The following LAMC1 variants were observed in gnomAD, a reference collection of about 807,000 sequenced individuals.
LAMC1 encodes laminin subunit gamma-1.
A neutral mutation model predicts 173.6 loss-of-function variants in LAMC1; 38 were observed. The ratio of observed to expected loss-of-function variants is 0.22; its 90% CI spans 0.17 to 0.29. The LOEUF (loss-of-function observed/expected upper bound fraction) is 0.29. LAMC1 is among the 10% of genes least tolerant of loss of function. The pLI, the probability that LAMC1 is intolerant of heterozygous loss-of-function variation, is 1.00. For synonymous variants in LAMC1, 746 were observed against 749.1 expected, an observed-to-expected ratio of 1.00 and a Z score of 0.07; for missense variants, 1,824 against 2,051.8, an observed-to-expected ratio of 0.89 and a Z score of 2.14.
intron 1 of LAMC1, among the ~76,000 whole-genome samples, chr1:183,100,890 T>C (rs1181422708): frequency 2.0e-5 from 3 of 152,212 alleles, no homozygotes; most frequent in African/African-American, 7.2e-5. Context: ...TGAAGCTCAG[T>C]GCCAGCAAGG....
chr1:183,138,630 C>T (rs564296517), intron 26 of LAMC1: 55 of 152,236 alleles, frequency 3.6e-4, no homozygotes, highest in African/African-American at 1.3e-3. Context: ...AGTAAAAACT[C>T]TAGGGAAGTG....
chr1:183,057,333 T>G (rs988814313), intron 1 of LAMC1, among the ~76,000 whole-genome samples: 9 of 152,220 alleles, frequency 5.9e-5, no homozygotes, highest in African/African-American at 2.2e-4. Context: ...CAGCCCTCAT[T>G]CCTTACCACT....
chr1:183,031,504 A>G (rs772403427), intron 1 of LAMC1, among the ~76,000 whole-genome samples: 10 of 151,948 alleles, frequency 6.6e-5, no homozygotes, highest in African/African-American at 1.7e-4. Context: ...GGGTTTTACC[A>G]TGTTGGTCAG....
intron 1 of LAMC1, among the ~76,000 whole-genome samples, chr1:183,089,923 G>T (rs1051583394): frequency 3.9e-5 from 6 of 152,170 alleles, no homozygotes; most frequent in African/African-American, 1.4e-4. Flanking sequence ...TCTGAAACAG[G>T]CCTGGTTTGT....
chr1:183,031,183 T>C (rs1397570371), intron 1 of LAMC1, among the ~76,000 whole-genome samples: 2 of 152,206 alleles, frequency 1.3e-5, no homozygotes, highest in Non-Finnish European at 2.9e-5. Flanking sequence ...TTTAGGATAG[T>C]GAAAGGACTG....
chr1:183,114,512 C>G lies in LAMC1; in HGVS notation c.1022-19C>G. On this transcript the variant is annotated intron_variant, in intron 4 of 27. Transcript: ENST00000258341. ...AAAGGTACCCAGATCTGATGTAACT[C>G]GTGTGTTTTGACTGACAGCCTGTGA... 2 of 1,613,262 alleles carry G rather than the reference C, an allele frequency of 1.2e-6. No homozygotes were observed. The highest frequency in any genetic ancestry group is 1.7e-6 in the Non-Finnish European group (2 of 1,179,212).
At chr1:183,131,190 AGG>A in intron 19 of LAMC1, 107 bp from the exon 20 acceptor site, 13 of 686,398 alleles carry the variant, frequency 1.9e-5, no homozygotes, top group South Asian at 5.2e-5. Flanking sequence ...AAAAAAAAAA[AGG>A]TAGAGGCATT....
chr1:183,029,774 T>C (rs925299160), intron 1 of LAMC1, among the ~76,000 whole-genome samples: 9 of 152,242 alleles, frequency 5.9e-5, no homozygotes, highest in Non-Finnish European at 1.3e-4. Context: ...ATGAAGTTTT[T>C]GAAGGACGAG....
chr1:183,101,365 A>T (rs1265084065), intron 1 of LAMC1, among the ~76,000 whole-genome samples: 1 of 151,696 alleles, frequency 6.6e-6, no homozygotes, highest in Non-Finnish European at 1.5e-5. Flanking sequence ...ACAAAGAGAT[A>T]CAGGTAAAAC....
chr1:183,050,350 C>T (rs562437724), intron 1 of LAMC1, among the ~76,000 whole-genome samples: 4 of 143,992 alleles, frequency 2.8e-5, no homozygotes, highest in South Asian at 2.2e-4. Flanking sequence ...GGCGTGATCT[C>T]GGCTCACTGC....
In LAMC1 at chr1:183,115,375, T is replaced by G. The variant is rs891032052; in HGVS notation, c.1211-145T>G. 10 of 621,762 alleles carry G rather than the reference T, an allele frequency of 1.6e-5. No individual in the cohort carries two copies. The East Asian group carries it at 2.7e-4, about 17-fold the overall frequency. 38.5% of individuals were successfully genotyped at this position (621,762 alleles called of 1,614,324 possible). ...GAGAAAGTTCTGATTTAAAATTTGG[T>G]TTTTATTACCTTTGTGACCATCAGG... On this transcript the variant is annotated intron_variant, in intron 5 of 27. Transcript: ENST00000258341.
intron 1 of LAMC1, among the ~76,000 whole-genome samples, chr1:183,058,935 T>C (rs2102029979): frequency 6.6e-6 from 1 of 152,316 alleles, no homozygotes; most frequent in East Asian, 1.9e-4. Flanking sequence ...GAAGGTAATA[T>C]CTATATGTTG....
intron 1 of LAMC1, among the ~76,000 whole-genome samples, chr1:183,091,439 C>T (rs1203104546): frequency 6.6e-6 from 1 of 152,100 alleles, no homozygotes; most frequent in African/African-American, 2.4e-5. Context: ...GTTTGCCAGT[C>T]TCTGTCTTGG....
intron 8 of LAMC1, 175 bp downstream of exon 8, chr1:183,117,078 G>T: frequency 1.3e-6 from 1 of 742,032 alleles, no homozygotes; most frequent in Non-Finnish European, 2.1e-6. Flanking sequence ...ATGTACTTTT[G>T]GCTTTAGAAT....
At chr1:183,078,043 T>C (rs1471563403) in intron 1 of LAMC1, among the ~76,000 whole-genome samples, 2 of 152,068 alleles carry the variant, frequency 1.3e-5, no homozygotes, top group African/African-American at 4.8e-5. Context: ...TGCATTTTAG[T>C]GTACTTATAA....
rs1338585454 is a variant in LAMC1 at position 183,137,736 on chromosome 1, T to C, written c.4382T>C (p.Val1461Ala). 1.2e-5 allele frequency: 19 copies of C among 1,612,314 alleles called. No homozygotes were observed. Among genetic ancestry groups the C allele is most frequent in the Non-Finnish European group, 1.4e-5 (17 of 1,179,006 alleles). ...GAAGTTACAGATCTGGATAATGAGG[T>C]GAACAATATGTTGAAGCAACTGCAG... ...FAEVTDLDNE[V>A]NNMLKQLQEA... The change falls in exon 26 of 28, where the codon GTG (valine) becomes GCG (alanine). Residue 1461 changes from valine (V) to alanine (A), a missense_variant. By Grantham distance (64) the Val-to-Ala change is moderately conservative. Transcript: ENST00000258341.
intron 1 of LAMC1, among the ~76,000 whole-genome samples, chr1:183,091,796 CA>C (rs1655573442): frequency 6.6e-6 from 1 of 152,094 alleles, no homozygotes; most frequent in Admixed American, 6.6e-5. Flanking sequence ...TGTCCCTTAT[CA>C]TCGAGAATTG....
intron 1 of LAMC1, among the ~76,000 whole-genome samples, chr1:183,043,443 C>T (rs892669992): frequency 7.2e-5 from 11 of 152,226 alleles, no homozygotes; most frequent in African/African-American, 2.4e-4. Flanking sequence ...ATCACTTTTA[C>T]AGATAGTGAT....
intron 1 of LAMC1, 78 bp from the exon 2 acceptor site, chr1:183,103,250 C>T: frequency 1.5e-6 from 2 of 1,353,850 alleles, no homozygotes; most frequent in Non-Finnish European, 2.0e-6. Flanking sequence ...TTGTCAAGTT[C>T]CAAACTAAGC....
Sources: gnomAD v4.1 joint callset for allele counts (sites outside exome capture counted in the v4.1 genomes callset) on GRCh38, gnomAD v4.1.1 for gene constraint, MANE v1.5 for transcripts, NCBI Gene and HGNC (gene_info 2026-07-23, HGNC 2026-07-21) for gene names.